Variants in TEX9 observed in about 807,000 individuals in gnomAD.
TEX9 encodes the protein testis expressed 9, also known as testis-expressed protein 9.
A neutral mutation model predicts 59.6 loss-of-function variants in TEX9; 74 were observed. That is an observed-to-expected ratio of 1.24 (90% CI 1.03 to 1.51). The LOEUF (loss-of-function observed/expected upper bound fraction) is 1.51, where lower values mean the gene tolerates loss of function less well. Ranked by LOEUF, TEX9 falls within the 40% of genes most tolerant of loss-of-function variation. The probability of loss-of-function intolerance (pLI) is 0.00; values close to 1 mark genes in which losing one functional copy is unlikely to be tolerated. For synonymous variants in TEX9, 186 were observed against 152.2 expected, an observed-to-expected ratio of 1.22 and a Z score of -1.64; for missense variants, 522 against 447.8, an observed-to-expected ratio of 1.17 and a Z score of -1.49.
At chr15:56,426,589 G>GTGTGTATATA (rs1382910271) in intron 10 of TEX9, among the ~76,000 whole-genome samples, 2 of 24,306 alleles carry the variant, frequency 8.2e-5, no homozygotes, top group Non-Finnish European at 3.5e-4. Flanking sequence ...TTGAAAAGGT[G>GTGTGTATATA]TATATATATA....
At chr15:56,378,434 G>A (rs1368718553) in intron 3 of TEX9, among the ~76,000 whole-genome samples, 1 of 151,810 alleles carries the variant, frequency 6.6e-6, no homozygotes, top group African/African-American at 2.4e-5. Context: ...TTTCTTCATG[G>A]TTCAATCTTG....
At chr15:56,358,078 A>G (rs568396635) in intron 1 of TEX9, among the ~76,000 whole-genome samples, 2 of 152,168 alleles carry the variant, frequency 1.3e-5, no homozygotes, top group Non-Finnish European at 2.9e-5. Context: ...GGGCACTACC[A>G]GTCTAAATGA....
At position 56,259,597 on chromosome 15, in the gene TEX9, G is replaced by A. The variant is rs192079262; in HGVS notation, c.-107+15319G>A. ...TTCTAGATGCTCCCTTTTGGTATAC[G>A]TATCTATTATTATACTAATACCACA... On this transcript the variant is annotated intron_variant, in intron 1 of 5. Coordinates refer to the TEX9 transcript ENST00000560827. 1.0e-3 allele frequency among the ~76,000 whole-genome samples: 158 copies of A among 152,052 alleles called. No individual in the cohort carries two copies. In the East Asian group the frequency reaches 0.013, roughly 13 times the overall value.
chr15:56,439,254 A>G (rs1183897952), intron 12 of TEX9, among the ~76,000 whole-genome samples: 3 of 152,156 alleles, frequency 2.0e-5, no homozygotes, highest in Non-Finnish European at 4.4e-5. Flanking sequence ...GAGAATCCTG[A>G]TGAAAAAATT....
At chr15:56,420,411 G>T (rs563951110) in intron 10 of TEX9, among the ~76,000 whole-genome samples, 1 of 151,214 alleles carries the variant, frequency 6.6e-6, no homozygotes, top group Non-Finnish European at 1.5e-5. Flanking sequence ...AGGTTCAAGC[G>T]GTTCTCCTGC....
intron 1 of TEX9, among the ~76,000 whole-genome samples, chr15:56,270,958 T>A (rs868604138): frequency 3.3e-5 from 5 of 152,362 alleles, no homozygotes; most frequent in Middle Eastern, 6.8e-3. Flanking sequence ...TGTTGAATAT[T>A]GGTCCCCACT....
Position 56,429,175 on chromosome 15 carries a change from C to T in TEX9, c.*29+702C>T, listed in dbSNP as rs564126888. The T allele has an allele frequency of 9.4e-6, 15 of 1,594,666 alleles. No individual in the cohort carries two copies. The highest frequency in any genetic ancestry group is 1.4e-5 in the African/African-American group (1 of 73,812). On this transcript the variant is annotated intron_variant, in intron 12 of 12. Transcript: ENST00000352903. ...TCTTCACCAAGCAGATCAATATCAT[C>T]CTCTTTTTTAAATACTCCCTACGAG...
intron 1 of TEX9, among the ~76,000 whole-genome samples, chr15:56,266,405 C>T (rs1344477558): frequency 1.3e-5 from 2 of 151,744 alleles, no homozygotes; most frequent in East Asian, 1.9e-4. Flanking sequence ...ATACATGTGC[C>T]GTGTTGGTTT....
At chr15:56,288,594 G>A (rs1324559633) in intron 1 of TEX9, among the ~76,000 whole-genome samples, 1 of 151,962 alleles carries the variant, frequency 6.6e-6, no homozygotes, top group Non-Finnish European at 1.5e-5. Context: ...TTTCTGCTGA[G>A]AAACCCATTG....
chr15:56,284,854 A>T (rs189265940), intron 1 of TEX9, among the ~76,000 whole-genome samples: 35 of 152,018 alleles, frequency 2.3e-4, no homozygotes, highest in Non-Finnish European at 3.8e-4. Context: ...TGTTTTAACT[A>T]TTTGTTTGTT....
intron 10 of TEX9, among the ~76,000 whole-genome samples, chr15:56,412,738 A>AAAAGT (rs1297988576): frequency 1.3e-5 from 2 of 152,160 alleles, no homozygotes; most frequent in Admixed American, 6.5e-5. Context: ...GTTGTTTAAA[A>AAAAGT]AAAGTATCTT....
chr15:56,334,285 G>A (rs1392997565), intron 1 of TEX9, among the ~76,000 whole-genome samples: 1 of 151,968 alleles, frequency 6.6e-6, no homozygotes, highest in South Asian at 2.1e-4. Context: ...TAACCAAAAC[G>A]GCATGGTACT....
intron 9 of TEX9, among the ~76,000 whole-genome samples, chr15:56,399,508 A>G (rs1398464608): frequency 3.9e-5 from 6 of 152,222 alleles, no homozygotes; most frequent in African/African-American, 9.6e-5. Context: ...TACTGCCTCT[A>G]TAGACTCCAC....
chr15:56,417,651 G>A (rs778658508), intron 10 of TEX9, among the ~76,000 whole-genome samples: 1 of 151,870 alleles, frequency 6.6e-6, no homozygotes, highest in African/African-American at 2.4e-5. Context: ...GCACTAAGAA[G>A]AATGTATATT....
intron 1 of TEX9, among the ~76,000 whole-genome samples, chr15:56,250,774 A>T (rs1487356700): frequency 6.6e-6 from 1 of 152,120 alleles, no homozygotes; most frequent in Non-Finnish European, 1.5e-5. Flanking sequence ...AAAAAAAAAC[A>T]AAATAATTCA....
At chr15:56,347,916 G>T (rs1351406983) in intron 1 of TEX9, among the ~76,000 whole-genome samples, 1 of 151,646 alleles carries the variant, frequency 6.6e-6, no homozygotes, top group Non-Finnish European at 1.5e-5. Flanking sequence ...AAACCCAACA[G>T]TAAAAAAAAT....
intron 9 of TEX9, among the ~76,000 whole-genome samples, chr15:56,402,991 A>G (rs1391333829): frequency 2.0e-5 from 3 of 152,200 alleles, no homozygotes; most frequent in Non-Finnish European, 4.4e-5. Context: ...ATCTCAAAAT[A>G]ATAAGAGCTA....
rs541985989 is a variant in TEX9, at chr15:56,325,788, G to C, written c.-106-47653G>C. The stretch of plus-strand genomic sequence containing the variant: ...ATCCCTATTTCATGGTCTGACTATA[G>C]CCAGTATTAATAATGAGAAAATTTA... On this transcript the variant is annotated intron_variant, in intron 1 of 5. Transcript: ENST00000560827. 5.9e-5 allele frequency among the ~76,000 whole-genome samples: 9 copies of C among 152,174 alleles called. No individual in the cohort carries two copies. The South Asian group carries it at 1.9e-3, about 32-fold the overall frequency.
intron 6 of TEX9, 66 bp from the exon 7 acceptor site, chr15:56,391,177 C>G (rs1285842556): frequency 1.9e-6 from 2 of 1,068,844 alleles, no homozygotes; most frequent in East Asian, 6.0e-5. Context: ...TATATCCTGT[C>G]TACCTTTCCT....
Sources: allele counts gnomAD v4.1 joint callset (sites outside exome capture counted in the v4.1 genomes callset), GRCh38; gene constraint gnomAD v4.1.1; transcripts MANE v1.5; gene names NCBI Gene and HGNC (gene_info 2026-07-23, HGNC 2026-07-21).